The following SEMA6A variants were observed in gnomAD, a reference collection of about 807,000 sequenced individuals.
SEMA6A encodes semaphorin-6A.
SEMA6A carries 25 observed loss-of-function variants against 96.8 expected under a neutral mutation model. That is an observed-to-expected ratio of 0.26 (90% CI 0.19 to 0.36). SEMA6A has a LOEUF of 0.36. Ranked by LOEUF, SEMA6A falls within the 10% of genes least tolerant of loss-of-function variation. The pLI is 1.00. For missense variants in SEMA6A, 1,363 were observed against 1,323.1 expected, an observed-to-expected ratio of 1.03 and a Z score of -0.47; for synonymous variants, 612 against 518.0, an observed-to-expected ratio of 1.18 and a Z score of -2.46.
intron 18 of SEMA6A, chr5:116,449,467 AC>A: frequency 3.1e-6 from 2 of 637,064 alleles, no homozygotes; most frequent in Non-Finnish European, 2.8e-6. Flanking sequence ...ACAACACGCA[AC>A]CTTAAACTTC....
At chr5:116,506,562 C>T (rs906874106) in intron 1 of SEMA6A, among the ~76,000 whole-genome samples, 2 of 152,060 alleles carry the variant, frequency 1.3e-5, no homozygotes, top group African/African-American at 2.4e-5. Context: ...CTGAAGTGCC[C>T]TGATTTGCTT....
intron 1 of SEMA6A, among the ~76,000 whole-genome samples, chr5:116,511,992 C>T (rs1418054482): frequency 1.3e-5 from 2 of 152,192 alleles, no homozygotes; most frequent in Non-Finnish European, 2.9e-5. Flanking sequence ...GGTGTTTTTG[C>T]TGAATATCCA....
chr5:116,489,044 G>A lies in SEMA6A; in HGVS notation c.536-37C>T, dbSNP rs764491934. ...AAGAAAAGAGGTGAACAGGGTGGGA[G>A]CAAGTCAGTGGGGGTGGAGGAATAA... On this transcript the variant is annotated intron_variant, in intron 7 of 18. Coordinates refer to ENST00000343348, the MANE Select transcript of SEMA6A (RefSeq NM_020796.5). 8.5e-6 allele frequency: 13 copies of A among 1,538,462 alleles called. No homozygotes were observed. The South Asian group carries it at 1.2e-4, about 14-fold the overall frequency.
rs374916648 is a variant in SEMA6A at position 116,447,114 on chromosome 5, G to A, written c.2592C>T (p.Pro864=). Residue 864 remains proline, a synonymous_variant, in exon 19 of 19, where the codon CCC becomes CCT. Transcript: ENST00000343348. ...TCTCCACAAGGTTCACCCCATGGTTGGGACTCTTGCTGCTGAGATGTTCCT... is the reference window on the plus strand; with the variant it reads ...TCTCCACAAGGTTCACCCCATGGTTAGGACTCTTGCTGCTGAGATGTTCCT... ...TIKEHLSSKS[P]NHGVNLVENL... 1 of 1,613,980 alleles carries A rather than the reference G, an allele frequency of 6.2e-7. No individual in the cohort carries two copies. Among genetic ancestry groups the A allele is most frequent in the Admixed American group, 1.7e-5 (1 of 60,028 alleles).
chr5:116,526,558 T>C (rs1325912715), intron 1 of SEMA6A, among the ~76,000 whole-genome samples: 1 of 152,100 alleles, frequency 6.6e-6, no homozygotes, highest in Admixed American at 6.5e-5. Flanking sequence ...GGTATACCAA[T>C]AAAAAGCTGC....
chr5:116,540,097 G>C (rs546551785), intron 1 of SEMA6A, among the ~76,000 whole-genome samples: 22 of 151,984 alleles, frequency 1.4e-4, no homozygotes, highest in Non-Finnish European at 2.5e-4. Flanking sequence ...CCACTGGTTG[G>C]TTATGTAAAA....
intron 1 of SEMA6A, among the ~76,000 whole-genome samples, chr5:116,537,954 A>C (rs1580490905): frequency 6.6e-6 from 1 of 150,918 alleles, no homozygotes; most frequent in Non-Finnish European, 1.5e-5. Flanking sequence ...AGGCGGGCGG[A>C]TCATGAGGTC....
chr5:116,498,162 G>C lies in SEMA6A; in HGVS notation c.219-775C>G, dbSNP rs1188171625. Reference sequence around the variant, plus strand: ...GGGCGTTTTTGTCTGGAATTTGTAAGAAAGAAAAGAAAAGAACTACACTCA... The same window carrying C: ...GGGCGTTTTTGTCTGGAATTTGTAACAAAGAAAAGAAAAGAACTACACTCA... On this transcript the variant is annotated intron_variant, in intron 3 of 18. Transcript: ENST00000343348. Among the ~76,000 whole-genome samples, 6 of 152,102 alleles carry C rather than the reference G, an allele frequency of 3.9e-5. No individual in the cohort carries two copies. In the East Asian group the frequency reaches 1.2e-3, roughly 29 times the overall value.
chr5:116,489,150 A>C, intron 7 of SEMA6A, 143 bp from the exon 8 acceptor site: 1 of 957,514 alleles, frequency 1.0e-6, no homozygotes. Flanking sequence ...TCGCTGGGAA[A>C]ACTCTTGGCC....
At chr5:116,460,722 A>G (rs1189555452) in intron 18 of SEMA6A, among the ~76,000 whole-genome samples, 1 of 151,890 alleles carries the variant, frequency 6.6e-6, no homozygotes. Flanking sequence ...TGTGCTTTAA[A>G]TGACTCCCAC....
In SEMA6A at chr5:116,502,205, C is replaced by A; in HGVS notation, c.218+5G>T. On this transcript the variant is annotated splice_donor_5th_base_variant and intron_variant, in intron 3 of 18. Transcript: ENST00000343348. ...CAAGGCAGACATGGGGAAAAGGCCC[C>A]TTACCTAGCAGCAATGTAGAGGGTT... 1 of 1,612,944 alleles carries A rather than the reference C, an allele frequency of 6.2e-7. No homozygotes were observed. The highest frequency in any genetic ancestry group is 8.5e-7 in the Non-Finnish European group (1 of 1,178,966).
At chr5:116,458,775 T>A (rs1201713510) in intron 18 of SEMA6A, among the ~76,000 whole-genome samples, 1 of 152,080 alleles carries the variant, frequency 6.6e-6, no homozygotes, top group African/African-American at 2.4e-5. Context: ...CATCAAGACC[T>A]TAGATAAATT....
chr5:116,481,196 T>C (rs968684190), intron 11 of SEMA6A, among the ~76,000 whole-genome samples: 17 of 152,230 alleles, frequency 1.1e-4, no homozygotes, highest in Admixed American at 9.2e-4. Flanking sequence ...GAAAATCACT[T>C]AAAGTATGTG....
intron 1 of SEMA6A, among the ~76,000 whole-genome samples, chr5:116,523,914 G>T (rs1280937797): frequency 1.3e-5 from 2 of 152,048 alleles, no homozygotes; most frequent in Admixed American, 1.3e-4. Flanking sequence ...CCACAGCCAG[G>T]GATAATTAGC....
intron 11 of SEMA6A, 42 bp from the exon 12 acceptor site, chr5:116,480,319 CT>C (rs1561485439): frequency 1.2e-6 from 2 of 1,608,438 alleles, no homozygotes; most frequent in Admixed American, 1.7e-5. Context: ...AGCTTATTTT[CT>C]GCCTTATGGC....
chr5:116,485,526 G>A (rs926700703), intron 10 of SEMA6A, among the ~76,000 whole-genome samples: 3 of 152,108 alleles, frequency 2.0e-5, no homozygotes, highest in Non-Finnish European at 4.4e-5. Context: ...ATACGGGTTC[G>A]TATTTTCATA....
intron 1 of SEMA6A, among the ~76,000 whole-genome samples, chr5:116,520,962 G>T (rs1758919262): frequency 1.3e-5 from 2 of 152,168 alleles, no homozygotes; most frequent in South Asian, 4.1e-4. Context: ...GGGCTCTGTT[G>T]TAATAATGTC....
intron 3 of SEMA6A, among the ~76,000 whole-genome samples, chr5:116,501,972 G>A (rs1457813555): frequency 6.6e-6 from 1 of 152,218 alleles, no homozygotes; most frequent in Non-Finnish European, 1.5e-5. Context: ...AAGATAAACA[G>A]TGGATTATTT....
At chr5:116,562,887 C>T (rs959367320) in intron 1 of SEMA6A, 1 of 623,792 alleles carries the variant, frequency 1.6e-6, no homozygotes. Flanking sequence ...ACTCCTGGAC[C>T]TGGGGCCCAG....
Sources: allele counts gnomAD v4.1 joint callset (sites outside exome capture counted in the v4.1 genomes callset), GRCh38; gene constraint gnomAD v4.1.1; transcripts MANE v1.5; gene names NCBI Gene and HGNC (gene_info 2026-07-23, HGNC 2026-07-21).